NFIC: variants seen among roughly 807,000 people sequenced by gnomAD.
The protein encoded by NFIC is nuclear factor 1 C-type.
A neutral mutation model predicts 54.4 loss-of-function variants in NFIC; 12 were observed. That is an observed-to-expected ratio of 0.22 (90% confidence interval 0.14 to 0.36). The LOEUF is 0.36. Among genes scored for constraint, NFIC ranks in the 10% least tolerant of loss-of-function variants. NFIC has a pLI of 1.00. For missense variants in NFIC, 575 were observed against 718.2 expected (o/e 0.80, Z 2.28); for synonymous variants, 322 against 319.2 (o/e 1.01, Z -0.09).
At chr19:3,376,806 G>GCAA (rs2081116714) in intron 1 of NFIC, among the ~76,000 whole-genome samples, 1 of 152,068 alleles carries the variant, frequency 6.6e-6, no homozygotes, top group African/African-American at 2.4e-5. Flanking sequence ...TTGGCTCACT[G>GCAA]CAACCTCTGC....
At chr19:3,398,792 A>G (rs1483246125) in intron 2 of NFIC, among the ~76,000 whole-genome samples, 2 of 152,150 alleles carry the variant, frequency 1.3e-5, no homozygotes, top group East Asian at 3.9e-4. Context: ...GCCCGCTTAC[A>G]TAAGGGGAGG....
chr19:3,463,749 G>A lies in NFIC; in HGVS notation c.*980G>A, dbSNP rs2082676135. 4.1e-6 allele frequency: 4 copies of A among 985,152 alleles called. No individual in the cohort carries two copies. The highest frequency in any genetic ancestry group is 2.4e-6 in the Non-Finnish European group (2 of 829,988). 61.0% of individuals were successfully genotyped at this position (985,152 alleles called of 1,614,324 possible). A position where few individuals can be genotyped will look rare whatever the true frequency, so the allele number is the denominator to read the frequency against. ...TCCGAGGAAGGGGATGGGGGAGCCC[G>A]GACACCCAGAGCTCCCCGAGTTGGG... On this transcript the variant is annotated 3_prime_UTR_variant, in exon 11 of 11. Coordinates refer to ENST00000443272, the MANE Select transcript of NFIC (RefSeq NM_001245002.2).
rs564361634 is a variant in NFIC at position 3,370,737 on chromosome 19, C to T, written c.30+4071C>T. On this transcript the variant is annotated intron_variant, in intron 1 of 10. Coordinates refer to ENST00000443272, the MANE Select transcript of NFIC (RefSeq NM_001245002.2). This position sits in a 1 kb window ranked among gnomAD's most constrained non-coding sequence, Gnocchi z 5.2. ...CTCCCTTCCTCTCTCTCTGTTCCTC[C>T]TCTTCTTTCTCTCTCTCTGTCTCTC... Among the ~76,000 whole-genome samples, 3 of 151,732 alleles carry T rather than the reference C, an allele frequency of 2.0e-5. No individual in the cohort carries two copies. The highest frequency in any genetic ancestry group is 2.1e-4 in the South Asian group (1 of 4,804).
intron 6 of NFIC, among the ~76,000 whole-genome samples, chr19:3,438,145 T>C (rs966129428): frequency 2.0e-5 from 3 of 152,002 alleles, no homozygotes; most frequent in Non-Finnish European, 4.4e-5. Flanking sequence ...AGGAGAAAGG[T>C]GGAAAATAAA....
In NFIC at chr19:3,463,203, G is replaced by A. The variant is rs1165898785; in HGVS notation, c.*434G>A. On this transcript the variant is annotated 3_prime_UTR_variant, in exon 11 of 11. Transcript: ENST00000443272. Reference sequence around the variant, plus strand: ...GGCCCTGGCTCTGTCCGGAGACCAGGTGAGCACAGCCTGGAGCCTGTGCCC... The same window carrying A: ...GGCCCTGGCTCTGTCCGGAGACCAGATGAGCACAGCCTGGAGCCTGTGCCC... 7 of 1,024,886 alleles carry A rather than the reference G, an allele frequency of 6.8e-6. No individual in the cohort carries two copies. Among genetic ancestry groups the A allele is most frequent in the Non-Finnish European group, 8.2e-6 (7 of 856,106 alleles). The allele number at this position is 1,024,886 out of a possible 1,614,324, so 63.5% of individuals were successfully genotyped here. A position where few individuals can be genotyped will look rare whatever the true frequency, so the allele number is the denominator to read the frequency against.
In NFIC at chr19:3,370,434, G is replaced by A. The variant is rs1274809829; in HGVS notation, c.30+3768G>A. 2.0e-5 allele frequency among the ~76,000 whole-genome samples: 3 copies of A among 151,754 alleles called. No homozygotes were observed. Among genetic ancestry groups the A allele is most frequent in the South Asian group, 2.1e-4 (1 of 4,802 alleles). On this transcript the variant is annotated intron_variant, in intron 1 of 10. Transcript: ENST00000443272. The surrounding 1 kb of genome is among the most constrained non-coding windows in gnomAD (Gnocchi z 5.2). The stretch of plus-strand genomic sequence containing the variant: ...GTGCCTCTGCGCGCCAGGGCCAAGC[G>A]CCCTGTAAATCACCAAAGCTGGGAT...
intron 1 of NFIC, among the ~76,000 whole-genome samples, chr19:3,376,502 G>GATATT: frequency 6.6e-6 from 1 of 151,608 alleles, no homozygotes. Flanking sequence ...GGAGGCCGAG[G>GATATT]TGGGAGGATC....
Position 3,463,989 on chromosome 19 carries a change from C to T in NFIC, c.*1220C>T. The T allele has an allele frequency of 2.0e-6, 2 of 985,250 alleles. No individual in the cohort carries two copies. The highest frequency in any genetic ancestry group is 1.2e-6 in the Non-Finnish European group (1 of 829,926). 61.0% of individuals were successfully genotyped at this position (985,250 alleles called of 1,614,324 possible). A position where few individuals can be genotyped will look rare whatever the true frequency, so the allele number is the denominator to read the frequency against. On this transcript the variant is annotated 3_prime_UTR_variant, in exon 11 of 11. Coordinates refer to ENST00000443272, the MANE Select transcript of NFIC (RefSeq NM_001245002.2). Reference sequence around the variant, plus strand: ...CAGAGCTAGAGAGATGGGGCCCCTGCGTGGCCCGAGGGGCAGAGCTGGGCG... The same window carrying T: ...CAGAGCTAGAGAGATGGGGCCCCTGTGTGGCCCGAGGGGCAGAGCTGGGCG...
At chr19:3,428,993 T>G (rs2082071100) in intron 3 of NFIC, among the ~76,000 whole-genome samples, 1 of 151,628 alleles carries the variant, frequency 6.6e-6, no homozygotes, top group East Asian at 1.9e-4. Flanking sequence ...AGCAAATGAC[T>G]GTAACAGGGG....
chr19:3,421,845 A>T (rs892959152), intron 2 of NFIC, among the ~76,000 whole-genome samples: 1 of 152,156 alleles, frequency 6.6e-6, no homozygotes, highest in African/African-American at 2.4e-5. Flanking sequence ...TGGCATGATC[A>T]CAGCTCACTG....
intron 7 of NFIC, among the ~76,000 whole-genome samples, chr19:3,450,623 C>G (rs1384015363): frequency 6.6e-6 from 1 of 152,070 alleles, no homozygotes; most frequent in Non-Finnish European, 1.5e-5. Context: ...CCATTGCACT[C>G]CAGCCTGGGC....
intron 2 of NFIC, among the ~76,000 whole-genome samples, chr19:3,387,819 AGGGT>A: frequency 6.6e-6 from 1 of 151,928 alleles, no homozygotes; most frequent in Non-Finnish European, 1.5e-5. Context: ...GGGGCGGGAG[AGGGT>A]GACCCGGGTG....
At chr19:3,423,569 C>A (rs1375265646) in intron 2 of NFIC, among the ~76,000 whole-genome samples, 1 of 152,134 alleles carries the variant, frequency 6.6e-6, no homozygotes, top group African/African-American at 2.4e-5. Context: ...CACCTGCCCC[C>A]CAACTTCAGC....
At chr19:3,378,573 GT>G (rs2081147151) in intron 1 of NFIC, among the ~76,000 whole-genome samples, 2 of 152,202 alleles carry the variant, frequency 1.3e-5, no homozygotes, top group Admixed American at 1.3e-4. Context: ...GTCCACCTCT[GT>G]CCCCCATGGC....
intron 1 of NFIC, among the ~76,000 whole-genome samples, chr19:3,372,193 G>A (rs1177990677): frequency 2.0e-5 from 3 of 152,000 alleles, no homozygotes; most frequent in Non-Finnish European, 4.4e-5. Flanking sequence ...GCTAACTTTT[G>A]TATTTTTAGT....
chr19:3,392,543 A>C (rs953219149), intron 2 of NFIC, among the ~76,000 whole-genome samples: 1 of 151,962 alleles, frequency 6.6e-6, no homozygotes, highest in Non-Finnish European at 1.5e-5. Context: ...ACAGCCCCTG[A>C]GGGAGCCCTC....
At chr19:3,439,501 G>A (rs1231256274) in intron 6 of NFIC, among the ~76,000 whole-genome samples, 1 of 150,494 alleles carries the variant, frequency 6.6e-6, no homozygotes, top group East Asian at 2.0e-4. Flanking sequence ...AATTAGCCGG[G>A]TGTGGTGGTG....
intron 2 of NFIC, among the ~76,000 whole-genome samples, chr19:3,401,721 C>CTCT (rs1555746453): frequency 1.1e-4 from 4 of 35,294 alleles, no homozygotes; most frequent in Non-Finnish European, 3.5e-4. Context: ...GGGTTATTCT[C>CTCT]TTTTTTTTTC....
intron 2 of NFIC, among the ~76,000 whole-genome samples, chr19:3,400,229 A>G (rs1051358056): frequency 9.9e-5 from 15 of 151,850 alleles, no homozygotes; most frequent in Non-Finnish European, 1.6e-4. Context: ...TAATCCCAGC[A>G]CTTTGGGAGG....
Sources: allele counts gnomAD v4.1 joint callset (sites outside exome capture counted in the v4.1 genomes callset), GRCh38; gene constraint gnomAD v4.1.1; non-coding constraint Gnocchi (gnomAD v3.1); transcripts MANE v1.5; gene names NCBI Gene and HGNC (gene_info 2026-07-23, HGNC 2026-07-21).